ATP11C: variants seen among roughly 807,000 people sequenced by gnomAD.
ATP11C encodes phospholipid-transporting ATPase IG.
A neutral mutation model predicts 97.4 loss-of-function variants in ATP11C; 36 were observed. The observed-to-expected ratio is 0.37, with a 90% confidence interval of 0.28 to 0.49. The LOEUF is 0.49. Among genes scored for constraint, ATP11C ranks in the 20% least tolerant of loss-of-function variants. The pLI is 0.98. For synonymous variants in ATP11C, 275 were observed against 290.9 expected (o/e 0.95, Z 0.56); for missense variants, 730 against 824.6 (o/e 0.89, Z 1.40).
At chrX:139,865,141 C>G (rs2084259998) in intron 1 of ATP11C, among the ~76,000 whole-genome samples, 1 of 111,728 alleles carries the variant, frequency 9.0e-6, no homozygotes, top group African/African-American at 3.3e-5. Context: ...CTCTGGAAGG[C>G]TGAGGCAGGA....
chrX:139,740,933 C>T, intron 27 of ATP11C, 58 bp downstream of exon 27: 1 of 698,182 alleles, frequency 1.4e-6, no homozygotes, highest in Non-Finnish European at 2.3e-6. Context: ...ATATAGTGTA[C>T]ATACACATGT....
chrX:139,856,045 T>C (rs980201435), intron 1 of ATP11C, among the ~76,000 whole-genome samples: 18 of 112,653 alleles, frequency 1.6e-4, no homozygotes, highest in African/African-American at 5.8e-4. Flanking sequence ...TAAGACAGGA[T>C]ACCAAGATGC....
chrX:139,736,983 C>T, intron 28 of ATP11C, among the ~76,000 whole-genome samples: 1 of 111,392 alleles, frequency 9.0e-6, no homozygotes, highest in East Asian at 2.8e-4. Flanking sequence ...AAAACAAAAT[C>T]ATGATGTAAC....
intron 28 of ATP11C, among the ~76,000 whole-genome samples, chrX:139,735,572 T>TGAG (rs1480983446): frequency 3.6e-5 from 4 of 111,945 alleles, no homozygotes; most frequent in Non-Finnish European, 7.5e-5. Context: ...TGTTGGTCAC[T>TGAG]GAGCATAAAG....
rs1431599623 is a variant in ATP11C, at chrX:139,932,781, A to G, written c.-739T>C. The G allele has an allele frequency of 9.0e-6, 1 of 111,699 alleles. No homozygotes were observed. The highest frequency in any genetic ancestry group is 1.9e-5 in the Non-Finnish European group (1 of 52,924). 9.2% of individuals were successfully genotyped at this position (111,699 alleles called of 1,213,427 possible). A position where few individuals can be genotyped will look rare whatever the true frequency, so the allele number is the denominator to read the frequency against. ...GCCCGCCCTGAGCCAGCCGACGGCC[A>G]GACTCCCTCTTCCGGGCGTGGTGGA... On this transcript the variant is annotated 5_prime_UTR_variant, in exon 1 of 30. Coordinates refer to ENST00000682941, the MANE Select transcript of ATP11C (RefSeq NM_001353812.2).
chrX:139,822,956 C>T (rs1373517408), intron 2 of ATP11C, among the ~76,000 whole-genome samples: 1 of 110,876 alleles, frequency 9.0e-6, no homozygotes, highest in Non-Finnish European at 1.9e-5. Flanking sequence ...ATGGCTCACA[C>T]CTGTAATCCC....
At chrX:139,776,526 T>C (rs1311137823) in intron 18 of ATP11C, among the ~76,000 whole-genome samples, 1 of 111,761 alleles carries the variant, frequency 8.9e-6, no homozygotes, top group Non-Finnish European at 1.9e-5. Context: ...AGGGGCATAA[T>C]GGAGAAGCGG....
chrX:139,870,482 A>T (rs1423953711), intron 1 of ATP11C, among the ~76,000 whole-genome samples: 2 of 112,400 alleles, frequency 1.8e-5, no homozygotes, highest in African/African-American at 6.5e-5. Context: ...ATTTTTCTTT[A>T]AAAAAGTTTT....
rs767629719 is a variant in ATP11C, at chrX:139,796,486, T to G, written c.1009-16A>C. The G allele has an allele frequency of 3.9e-6, 4 of 1,034,695 alleles. No homozygotes were observed. The highest frequency in any genetic ancestry group is 2.4e-5 in the Admixed American group (1 of 42,419). The allele number at this position is 1,034,695 out of a possible 1,213,427, so 85.3% of individuals were successfully genotyped here. Reference sequence around the variant, plus strand: ...TTTTTAAAACCTAAAATAAAAGAGATAGTTCATGCTAATTAGACATACAAT... The same window carrying G: ...TTTTTAAAACCTAAAATAAAAGAGAGAGTTCATGCTAATTAGACATACAAT... On this transcript the variant is annotated splice_polypyrimidine_tract_variant and intron_variant, in intron 11 of 29. Coordinates refer to ENST00000682941, the MANE Select transcript of ATP11C (RefSeq NM_001353812.2).
chrX:139,780,800 A>G (rs1377406159), intron 18 of ATP11C, among the ~76,000 whole-genome samples: 1 of 112,209 alleles, frequency 8.9e-6, no homozygotes, highest in Non-Finnish European at 1.9e-5. Flanking sequence ...GGAGGCCACT[A>G]TCCTAAGTGA....
chrX:139,914,982 C>T (rs1304690768), intron 1 of ATP11C, among the ~76,000 whole-genome samples: 1 of 111,871 alleles, frequency 8.9e-6, no homozygotes, highest in Non-Finnish European at 1.9e-5. Flanking sequence ...ACTTACCACT[C>T]TAGGTTTTGC....
intron 1 of ATP11C, among the ~76,000 whole-genome samples, chrX:139,914,778 A>G (rs1000728509): frequency 9.0e-6 from 1 of 111,525 alleles, no homozygotes; most frequent in African/African-American, 3.3e-5. Flanking sequence ...AACTTACACC[A>G]TCAGTTCTTC....
chrX:139,865,831 A>C (rs2084273483), intron 1 of ATP11C, among the ~76,000 whole-genome samples: 1 of 111,806 alleles, frequency 8.9e-6, no homozygotes, highest in South Asian at 3.7e-4. Context: ...AATTCCATTT[A>C]AACATTTATC....
chrX:139,858,710 G>A (rs2084133234), intron 1 of ATP11C, among the ~76,000 whole-genome samples: 1 of 112,386 alleles, frequency 8.9e-6, no homozygotes, highest in African/African-American at 3.2e-5. Flanking sequence ...AGATGAGGAA[G>A]CCAAGGCACA....
chrX:139,923,964 T>G (rs2085306553), intron 1 of ATP11C, among the ~76,000 whole-genome samples: 3 of 111,869 alleles, frequency 2.7e-5, no homozygotes, highest in Admixed American at 1.9e-4. Flanking sequence ...AGAATTTTTT[T>G]TTTCCTATAT....
intron 23 of ATP11C, 152 bp from the exon 24 acceptor site, chrX:139,750,304 T>C (rs2148650244): frequency 4.4e-6 from 2 of 451,322 alleles, no homozygotes; most frequent in East Asian, 7.6e-5. Flanking sequence ...ATAAGGTCAC[T>C]GCCTAGTAAC....
chrX:139,936,602 G>A (rs1046997818), upstream of ATP11C, among the ~76,000 whole-genome samples: 1 of 111,648 alleles, frequency 9.0e-6, no homozygotes, highest in African/African-American at 3.3e-5. Flanking sequence ...CTTGCTACCT[G>A]AGGGAGAGAA....
Position 139,789,284 on chromosome X carries a change from T to A in ATP11C, c.1368+43A>T, listed in dbSNP as rs375108161. On this transcript the variant is annotated intron_variant, in intron 13 of 29. Transcript: ENST00000682941. ...TTCTACTATGGAATGTTAACATGCA[T>A]ACACAGATTGGTTTCTTATATAAAA... The A allele has an allele frequency of 6.5e-5, 69 of 1,068,845 alleles. No homozygotes were observed. In the African/African-American group the frequency reaches 1.3e-3, roughly 20 times the overall value. The allele number at this position is 1,068,845 out of a possible 1,213,427, so 88.1% of individuals were successfully genotyped here.
At chrX:139,828,185 T>C (rs1015863911) in intron 1 of ATP11C, among the ~76,000 whole-genome samples, 2 of 111,776 alleles carry the variant, frequency 1.8e-5, no homozygotes, top group African/African-American at 6.5e-5. Flanking sequence ...GATAGCTTAG[T>C]TATTTATCTG....
Sources: gnomAD v4.1 joint callset for allele counts (sites outside exome capture counted in the v4.1 genomes callset) on GRCh38, gnomAD v4.1.1 for gene constraint, MANE v1.5 for transcripts, NCBI Gene and HGNC (gene_info 2026-07-23, HGNC 2026-07-21) for gene names.